The following ARMC9 variants were observed in gnomAD, a reference collection of about 807,000 sequenced individuals.
The protein encoded by ARMC9 is lisH domain-containing protein ARMC9.
A neutral mutation model predicts 107.0 loss-of-function variants in ARMC9; 94 were observed. That is an observed-to-expected ratio of 0.88 (90% CI 0.74 to 1.04). ARMC9 has a LOEUF of 1.04. Ranked by LOEUF, ARMC9 falls within the 50% of genes least tolerant of loss-of-function variation. The pLI is 0.00. For synonymous variants in ARMC9, 380 were observed against 396.9 expected (o/e 0.96, Z 0.51); for missense variants, 942 against 1,030.1 (o/e 0.91, Z 1.17).
intron 9 of ARMC9, among the ~76,000 whole-genome samples, chr2:231,246,255 A>G (rs2036754432): frequency 6.6e-6 from 1 of 152,194 alleles, no homozygotes; most frequent in Admixed American, 6.5e-5. Context: ...GGTTTGTTAC[A>G]TGAGTAAATT....
chr2:231,201,942 C>A (rs559606735), intron 1 of ARMC9, among the ~76,000 whole-genome samples: 2 of 152,262 alleles, frequency 1.3e-5, no homozygotes, highest in South Asian at 4.1e-4. Flanking sequence ...TCCCACTCTC[C>A]CTTCTCTTCG....
intron 1 of ARMC9, among the ~76,000 whole-genome samples, chr2:231,199,341 G>C (rs2030349935): frequency 6.6e-6 from 1 of 152,244 alleles, no homozygotes; most frequent in Non-Finnish European, 1.5e-5. Context: ...TTAAAAGGCA[G>C]ATTTCTGGGC....
At chr2:231,221,960 A>T (rs1574649235) in intron 5 of ARMC9, among the ~76,000 whole-genome samples, 1 of 151,926 alleles carries the variant, frequency 6.6e-6, no homozygotes, top group African/African-American at 2.4e-5. Context: ...GGAGAGGCAG[A>T]GACAGTGGGG....
chr2:231,231,103 A>G (rs1277304994), intron 7 of ARMC9, among the ~76,000 whole-genome samples: 1 of 152,192 alleles, frequency 6.6e-6, no homozygotes, highest in Non-Finnish European at 1.5e-5. Flanking sequence ...TGTTTAGTAA[A>G]TTGCAGAATG....
rs375034723 is a variant in ARMC9 at position 231,360,829 on chromosome 2, C to A, written c.2207C>A (p.Thr736Asn). ...QEEPRPAPTG[T>N]PRQPREAPQD... The stretch of plus-strand genomic sequence containing the variant: ...GAGCCTCGCCCAGCCCCCACGGGGA[C>A]CCCCCGCCAGCCAAGGGAGGCGCCC... Residue 736 changes from threonine to asparagine, a missense_variant, in exon 23 of 25, where the codon ACC (threonine) becomes AAC (asparagine). By Grantham distance (65) the Thr-to-Asn change is moderately conservative. Transcript: ENST00000611582. The surrounding 1 kb of genome is among the most constrained non-coding windows in gnomAD (Gnocchi z 4.7). 2.0e-6 allele frequency: 3 copies of A among 1,535,730 alleles called. No homozygotes were observed. The highest frequency in any genetic ancestry group is 1.7e-6 in the Non-Finnish European group (2 of 1,146,730).
intron 19 of ARMC9, among the ~76,000 whole-genome samples, chr2:231,296,598 CG>C (rs1371579473): frequency 2.0e-5 from 3 of 152,180 alleles, no homozygotes; most frequent in African/African-American, 7.2e-5. Context: ...TCTTCCTCAC[CG>C]GTGGGAGTGC....
At chr2:231,292,143 G>C (rs1352724636) in intron 18 of ARMC9, among the ~76,000 whole-genome samples, 13 of 150,632 alleles carry the variant, frequency 8.6e-5, no homozygotes, top group Non-Finnish European at 1.9e-4. Flanking sequence ...ACTCCAGCCT[G>C]GGCGACAGAG....
intron 24 of ARMC9, 99 bp from the exon 25 acceptor site, chr2:231,371,414 T>A (rs1300784499): frequency 1.1e-5 from 15 of 1,318,642 alleles, no homozygotes; most frequent in Non-Finnish European, 1.4e-5. Context: ...GAAGGTTCCC[T>A]CGCTTCTGAG....
chr2:231,356,499 G>C (rs1232831468), intron 22 of ARMC9, among the ~76,000 whole-genome samples: 1 of 152,158 alleles, frequency 6.6e-6, no homozygotes, highest in East Asian at 1.9e-4. Context: ...GAAATTAAAA[G>C]GATTATGAGC....
At position 231,376,791 on chromosome 2, in the gene ARMC9, G is replaced by A. The variant is rs1025136914; in HGVS notation, c.*5256G>A. On this transcript the variant is annotated 3_prime_UTR_variant, in exon 25 of 25. Coordinates refer to ENST00000611582, the MANE Select transcript of ARMC9 (RefSeq NM_001352754.2). The stretch of plus-strand genomic sequence containing the variant: ...CTTGCTGGTTTTTGTGGCTTGTGGG[G>A]CATCACGGATCCTACCAACGTGTGA... Among the ~76,000 whole-genome samples the A allele has an allele frequency of 1.3e-5, 2 of 152,102 alleles. No homozygotes were observed. Among genetic ancestry groups the A allele is most frequent in the African/African-American group, 4.8e-5 (2 of 41,394 alleles).
chr2:231,332,668 C>T (rs578148096), intron 20 of ARMC9, among the ~76,000 whole-genome samples: 5 of 152,256 alleles, frequency 3.3e-5, no homozygotes, highest in African/African-American at 1.2e-4. Flanking sequence ...GAGAGGATAG[C>T]AGTGCCAGGG....
Position 231,360,709 on chromosome 2 carries a change from G to C in ARMC9, c.2132-45G>C. The C allele has an allele frequency of 6.5e-7, 1 of 1,536,102 alleles. No individual in the cohort carries two copies. Among genetic ancestry groups the C allele is most frequent in the Non-Finnish European group, 8.7e-7 (1 of 1,146,894 alleles). On this transcript the variant is annotated intron_variant, in intron 22 of 24. Transcript: ENST00000611582. This position sits in a 1 kb window ranked among gnomAD's most constrained non-coding sequence, Gnocchi z 4.7. ...GCCCACGAGAGGGCATCCTTAGAGG[G>C]GCTCCAGAGCAGATGTGGACTGAAC... is the stretch of plus-strand genomic sequence containing the variant.
intron 9 of ARMC9, 66 bp from the exon 10 acceptor site, chr2:231,256,520 T>C: frequency 6.4e-7 from 1 of 1,572,350 alleles, no homozygotes; most frequent in Admixed American, 1.7e-5. Flanking sequence ...ATTAGGGTGA[T>C]TTGGGATCCG....
intron 2 of ARMC9, among the ~76,000 whole-genome samples, chr2:231,207,132 G>T (rs1279298968): frequency 6.6e-6 from 1 of 152,068 alleles, no homozygotes; most frequent in African/African-American, 2.4e-5. Flanking sequence ...AGCCTCCTGG[G>T]TAGCTGAGAC....
intron 5 of ARMC9, 128 bp downstream of exon 5, chr2:231,216,921 GTTATAACCATAAT>G: frequency 8.5e-7 from 1 of 1,179,146 alleles, no homozygotes; most frequent in Non-Finnish European, 1.2e-6. Context: ...ATTATTTTTA[GTTATAACCATAAT>G]TTGTTTAGTC....
intron 19 of ARMC9, among the ~76,000 whole-genome samples, chr2:231,308,932 G>T (rs1027901317): frequency 6.6e-6 from 1 of 152,122 alleles, no homozygotes; most frequent in Non-Finnish European, 1.5e-5. Context: ...TGGCCAGCTC[G>T]CTTGGCGTGG....
chr2:231,301,936 G>A (rs1201969046), intron 19 of ARMC9, among the ~76,000 whole-genome samples: 1 of 151,828 alleles, frequency 6.6e-6, no homozygotes, highest in African/African-American at 2.4e-5. Context: ...CCAACATCAC[G>A]CCGCTGCACT....
intron 20 of ARMC9, among the ~76,000 whole-genome samples, chr2:231,337,727 A>T (rs899063550): frequency 6.6e-6 from 1 of 152,034 alleles, no homozygotes; most frequent in Non-Finnish European, 1.5e-5. Context: ...CCCGGCCTCA[A>T]TGTCTATATT....
At chr2:231,349,143 G>A (rs1361691211) in intron 21 of ARMC9, among the ~76,000 whole-genome samples, 1 of 152,204 alleles carries the variant, frequency 6.6e-6, no homozygotes, top group Non-Finnish European at 1.5e-5. Context: ...CATGCTTGCT[G>A]CAGCACCGTT....
Sources: gnomAD v4.1 joint callset for allele counts (sites outside exome capture counted in the v4.1 genomes callset) on GRCh38, gnomAD v4.1.1 for gene constraint, Gnocchi (gnomAD v3.1) non-coding constraint, MANE v1.5 for transcripts, NCBI Gene and HGNC (gene_info 2026-07-23, HGNC 2026-07-21) for gene names.